Variants in CIRBP observed in about 807,000 individuals in gnomAD.
The protein encoded by CIRBP is cold inducible RNA binding protein.
CIRBP carries 11 observed loss-of-function variants against 22.3 expected under a neutral mutation model. The observed-to-expected ratio is 0.49, with a 90% CI of 0.31 to 0.82. The LOEUF is 0.82. CIRBP is among the 40% of genes least tolerant of loss of function. The pLI is 0.05. For synonymous variants in CIRBP, 216 were observed against 158.8 expected (o/e 1.36, Z -2.71); for missense variants, 456 against 402.7 (o/e 1.13, Z -1.13).
At chr19:1,270,702 G>C (rs1320547582) in intron 1 of CIRBP, among the ~76,000 whole-genome samples, 3 of 152,152 alleles carry the variant, frequency 2.0e-5, no homozygotes, top group Admixed American at 2.0e-4. Flanking sequence ...GAGCCCAGGA[G>C]GTGGAGGCTG....
rs1022357454 is a variant in CIRBP, at chr19:1,274,074, T to C, written c.*1631T>C. 6.1e-5 allele frequency: 23 copies of C among 378,606 alleles called. No individual in the cohort carries two copies. Among genetic ancestry groups the C allele is most frequent in the Non-Finnish European group, 4.2e-5 (9 of 213,706 alleles). The allele number at this position is 378,606 out of a possible 1,614,324, so 23.5% of individuals were successfully genotyped here. A position where few individuals can be genotyped will look rare whatever the true frequency, so the allele number is the denominator to read the frequency against. ...GATGTCTGTTGCCGCCATTAGTTTT[T>C]TTCTAGAGCCCACACTGGCCCACAT... On this transcript the variant is annotated 3_prime_UTR_variant, in exon 6 of 6. Coordinates refer to ENST00000587896, the MANE Select transcript of CIRBP (RefSeq NM_001300829.2).
Position 1,273,447 on chromosome 19 carries a change from G to A in CIRBP, c.*1004G>A, listed in dbSNP as rs555722524. 6.6e-6 allele frequency: 1 copy of A among 152,472 alleles called. No individual in the cohort carries two copies. Among genetic ancestry groups the A allele is most frequent in the South Asian group, 2.1e-4 (1 of 4,834 alleles). The allele number at this position is 152,472 out of a possible 1,614,324, so 9.4% of individuals were successfully genotyped here. On this transcript the variant is annotated 3_prime_UTR_variant, in exon 6 of 6. Coordinates refer to ENST00000587896, the MANE Select transcript of CIRBP (RefSeq NM_001300829.2). Reference sequence around the variant, plus strand: ...CTGGACTGTGCGGGCAGCTTAGCAGGGACAGTGGACGTGCACCTGACGCTG... The same window carrying A: ...CTGGACTGTGCGGGCAGCTTAGCAGAGACAGTGGACGTGCACCTGACGCTG...
chr19:1,270,845 A>G (rs2081327431), intron 1 of CIRBP, 83 bp from the exon 2 acceptor site: 5 of 877,428 alleles, frequency 5.7e-6, no homozygotes, highest in Non-Finnish European at 9.5e-6. Context: ...CCTAAAAAAC[A>G]CATGTCATTT....
chr19:1,270,244 G>C lies in CIRBP; in HGVS notation c.-6-684G>C, dbSNP rs562461622. The C allele has an allele frequency of 6.1e-4, 238 of 387,384 alleles. 2 individuals are homozygous for C. The highest frequency in any genetic ancestry group is 1.1e-3 in the Middle Eastern group (3 of 2,718). The allele number at this position is 387,384 out of a possible 1,614,324, so 24.0% of individuals were successfully genotyped here. On this transcript the variant is annotated intron_variant, in intron 1 of 5. Transcript: ENST00000587896. The stretch of plus-strand genomic sequence containing the variant: ...TCCCTGACAGCCAGCCCCCCCCCCA[G>C]TCTCAGGAGGCATTTTACAGTGAGC...
rs1252952031 is a variant in CIRBP, at chr19:1,272,488, A to C, written c.*45A>C. On this transcript the variant is annotated 3_prime_UTR_variant, in exon 6 of 6. Transcript: ENST00000587896. ...TCGTCCTTCCAATGGCTGTGTGTTT[A>C]AAGATTGTGGGAGCTTCGCTGAACG... 1 of 1,459,112 alleles carries C rather than the reference A, an allele frequency of 6.9e-7. No homozygotes were observed. The highest frequency in any genetic ancestry group is 9.3e-7 in the Non-Finnish European group (1 of 1,080,574). The allele number at this position is 1,459,112 out of a possible 1,614,324, so 90.4% of individuals were successfully genotyped here.
Position 1,271,553 on chromosome 19 carries a change from G to C in CIRBP, c.352G>C (p.Gly118Arg). 6.3e-7 allele frequency: 1 copy of C among 1,588,536 alleles called. No homozygotes were observed. The highest frequency in any genetic ancestry group is 1.3e-5 in the African/African-American group (1 of 74,086). The part of the protein sequence containing the change: ...RGRGRGFSRG[G>R]GDRGYGGNRF... The stretch of plus-strand genomic sequence containing the variant: ...CTCACTTTTTCCTGTATGTGCAGGA[G>C]GAGGGGACCGAGGCTATGGGGGGAA... The change falls in exon 5 of 6, where the codon GGA becomes CGA. Residue 118 changes from glycine (G) to arginine (R), a missense_variant and splice_region_variant. Physicochemically the swap from Gly to Arg is moderately radical, Grantham distance 125. Coordinates refer to ENST00000587896, the MANE Select transcript of CIRBP (RefSeq NM_001300829.2).
At position 1,272,434 on chromosome 19, in the gene CIRBP, C is replaced by G. The variant is rs781746564; in HGVS notation, c.885C>G (p.His295Gln). The G allele has an allele frequency of 6.5e-7, 1 of 1,542,240 alleles. No individual in the cohort carries two copies. The highest frequency in any genetic ancestry group is 8.7e-7 in the Non-Finnish European group (1 of 1,145,860). The change falls in exon 6 of 6, where the codon CAC becomes CAG. Residue 295 changes from histidine to glutamine, a missense_variant. His to Gln is a conservative substitution (Grantham distance 24). Coordinates refer to ENST00000587896, the MANE Select transcript of CIRBP (RefSeq NM_001300829.2). ...CCTGCTTCTTGTCCTCAGCTACACA[C>G]AACGAGTAAAAACCCTTCCTGCTCA... ...HCACFLSSAT[H>Q]NE
Position 1,272,482 on chromosome 19 carries a change from G to A in CIRBP, c.*39G>A, listed in dbSNP as rs1600028719. 1 of 1,476,382 alleles carries A rather than the reference G, an allele frequency of 6.8e-7. No homozygotes were observed. Among genetic ancestry groups the A allele is most frequent in the Non-Finnish European group, 9.1e-7 (1 of 1,095,940 alleles). The allele number at this position is 1,476,382 out of a possible 1,614,324, so 91.5% of individuals were successfully genotyped here. A position where few individuals can be genotyped will look rare whatever the true frequency, so the allele number is the denominator to read the frequency against. ...TCAAGATCGTCCTTCCAATGGCTGT[G>A]TGTTTAAAGATTGTGGGAGCTTCGC... On this transcript the variant is annotated 3_prime_UTR_variant, in exon 6 of 6. Transcript: ENST00000587896.
Position 1,272,446 on chromosome 19 carries a change from A to G in CIRBP, c.*3A>G. The G allele has an allele frequency of 6.5e-7, 1 of 1,528,494 alleles. No individual in the cohort carries two copies. Among genetic ancestry groups the G allele is most frequent in the South Asian group, 1.3e-5 (1 of 77,904 alleles). The allele number at this position is 1,528,494 out of a possible 1,614,324, so 94.7% of individuals were successfully genotyped here. Reference sequence around the variant, plus strand: ...CCTCAGCTACACACAACGAGTAAAAACCCTTCCTGCTCAAGATCGTCCTTC... The same window carrying G: ...CCTCAGCTACACACAACGAGTAAAAGCCCTTCCTGCTCAAGATCGTCCTTC... On this transcript the variant is annotated 3_prime_UTR_variant, in exon 6 of 6. Transcript: ENST00000587896.
rs56378951 is a variant in CIRBP at position 1,270,232 on chromosome 19, G to GC, written c.-6-686dup. The GC allele has an allele frequency of 3.4e-3, 1,241 of 365,460 alleles. 1 individual carries two copies. Among genetic ancestry groups the GC allele is most frequent in the African/African-American group, 9.0e-3 (426 of 47,416 alleles). 22.6% of individuals were successfully genotyped at this position (365,460 alleles called of 1,614,324 possible). Reference sequence around the variant, plus strand: ...GACGGGGCGGCCTCCCTGACAGCCAGCCCCCCCCCCAGTCTCAGGAGGCAT... The same window carrying GC: ...GACGGGGCGGCCTCCCTGACAGCCAGCCCCCCCCCCCAGTCTCAGGAGGCAT... On this transcript the variant is annotated intron_variant, in intron 1 of 5. Transcript: ENST00000587896.
intron 1 of CIRBP, chr19:1,270,011 C>G (rs754649431): frequency 3.8e-6 from 2 of 519,900 alleles, no homozygotes; most frequent in South Asian, 2.8e-5. Flanking sequence ...CTCAGAGCCA[C>G]TGGGTGGCGG....
chr19:1,271,132 C>G lies in CIRBP; in HGVS notation c.104-8C>G, dbSNP rs201255085. ...GGTGCTGACTGCAGACCTCTCTCCC[C>G]TGCACAGTGGTGGTTGTGAAAGACA... On this transcript the variant is annotated splice_polypyrimidine_tract_variant and splice_region_variant and intron_variant, in intron 2 of 5. Coordinates refer to ENST00000587896, the MANE Select transcript of CIRBP (RefSeq NM_001300829.2). The G allele has an allele frequency of 1.5e-4, 242 of 1,613,768 alleles. 1 individual carries two copies. The East Asian group carries it at 2.5e-3, about 17-fold the overall frequency.
At chr19:1,270,753 A>C (rs1248617962) in intron 1 of CIRBP, 175 bp from the exon 2 acceptor site, 23 of 596,422 alleles carry the variant, frequency 3.9e-5, no homozygotes, top group Non-Finnish European at 6.0e-6. Flanking sequence ...AGTTAGACAC[A>C]CTGCCCCCGA....
chr19:1,271,085 C>G, intron 2 of CIRBP, 49 bp downstream of exon 2: 1 of 1,610,846 alleles, frequency 6.2e-7, no homozygotes, highest in Non-Finnish European at 8.5e-7. Flanking sequence ...GCTTGTGCTC[C>G]TCCTACCTGG....
chr19:1,271,746 C>G, intron 5 of CIRBP, 114 bp downstream of exon 5: 1 of 762,590 alleles, frequency 1.3e-6, no homozygotes, highest in Non-Finnish European at 2.1e-6. Flanking sequence ...GGAGCAGAGG[C>G]AGGTGGGGAC....
In CIRBP at chr19:1,272,071, C is replaced by CGT. The variant is rs757896292; in HGVS notation, c.523_524insTG (p.Ala175ValfsTer22). The CGT allele has an allele frequency of 6.2e-7, 1 of 1,614,042 alleles. No individual in the cohort carries two copies. Among genetic ancestry groups the CGT allele is most frequent in the South Asian group, 1.1e-5 (1 of 91,086 alleles). On this transcript the variant is annotated frameshift_variant, in exon 6 of 6. Transcript: ENST00000587896. LOFTEE classifies it low-confidence loss of function (END_TRUNC). Reference sequence around the variant, plus strand: ...GTTACGGTAAGTCACACTCCGAGGGCGCCACGCTGCTGTGGCCTGCGGTGG... The same window carrying CGT: ...GTTACGGTAAGTCACACTCCGAGGGCGTGCCACGCTGCTGTGGCCTGCGGTGG...
chr19:1,271,279 C>T lies in CIRBP; in HGVS notation c.210+33C>T, dbSNP rs200454374. 36 of 1,613,994 alleles carry T rather than the reference C, an allele frequency of 2.2e-5. No individual in the cohort carries two copies. The African/African-American group carries it at 4.7e-4, about 21-fold the overall frequency. On this transcript the variant is annotated intron_variant, in intron 3 of 5. Transcript: ENST00000587896. The stretch of plus-strand genomic sequence containing the variant: ...TCAGGGTGCTGAGCAGGAGTCCCGT[C>T]TCGAGGATGGGGCACCCACCTGCTA...
In CIRBP at chr19:1,273,706, G is replaced by A. The variant is rs1284196770; in HGVS notation, c.*1263G>A. 1 of 152,236 alleles carries A rather than the reference G, an allele frequency of 6.6e-6. No homozygotes were observed. The highest frequency in any genetic ancestry group is 2.4e-5 in the African/African-American group (1 of 41,448). 9.4% of individuals were successfully genotyped at this position (152,236 alleles called of 1,614,324 possible). On this transcript the variant is annotated 3_prime_UTR_variant, in exon 6 of 6. Coordinates refer to ENST00000587896, the MANE Select transcript of CIRBP (RefSeq NM_001300829.2). ...CTAGCTCATATGTGGAAATAGCCCT[G>A]TAATTCGAGGTAACTCCTTCCGCTC...
At position 1,274,634 on chromosome 19, in the gene CIRBP, T is replaced by C. The variant is rs190686336; in HGVS notation, c.*2191T>C. The C allele has an allele frequency of 6.6e-3, 1,659 of 250,810 alleles. 10 individuals carry two copies. The highest frequency in any genetic ancestry group is 0.024 in the African/African-American group (1,092 of 44,938). 15.5% of individuals were successfully genotyped at this position (250,810 alleles called of 1,614,324 possible). A position where few individuals can be genotyped will look rare whatever the true frequency, so the allele number is the denominator to read the frequency against. ...GAGCCCGCGCCTGTTCTCCCTCCCT[T>C]CCTCCTCCTTCCAGGAGGCGCTTCG... On this transcript the variant is annotated 3_prime_UTR_variant, in exon 6 of 6. Coordinates refer to ENST00000587896, the MANE Select transcript of CIRBP (RefSeq NM_001300829.2).
Sources: gnomAD v4.1 joint callset for allele counts (sites outside exome capture counted in the v4.1 genomes callset) on GRCh38, gnomAD v4.1.1 for gene constraint, MANE v1.5 for transcripts, NCBI Gene and HGNC (gene_info 2026-07-23, HGNC 2026-07-21) for gene names.